PRP4K: variants seen among roughly 807,000 people sequenced by gnomAD.
The protein encoded by PRP4K is pre-mRNA processing factor kinase PRP4K, also known as serine/threonine-protein kinase PRP4 homolog.
the PRP4K span, among the ~76,000 whole-genome samples, chr6:4,036,842 A>T: frequency 6.6e-6 from 1 of 151,870 alleles, no homozygotes; most frequent in African/African-American, 2.4e-5. Flanking sequence ...AATATTAGTC[A>T]GGTGTGGTGG....
the PRP4K span, chr6:4,049,926 C>G: frequency 3.2e-6 from 5 of 1,556,416 alleles, no homozygotes; most frequent in Non-Finnish European, 4.4e-6. Flanking sequence ...CGGATACTTA[C>G]AGAAGAACAT....
chr6:4,029,549 C>T, the PRP4K span, among the ~76,000 whole-genome samples: 3 of 151,920 alleles, frequency 2.0e-5, no homozygotes, highest in Non-Finnish European at 4.4e-5. Context: ...GATGAGGTCT[C>T]ACTCTGTTGC....
At chr6:4,049,420 G>A in the PRP4K span, 6 of 450,546 alleles carry the variant, frequency 1.3e-5, no homozygotes, top group African/African-American at 4.0e-5. Flanking sequence ...CAAGAAAAAC[G>A]ACAAACAGGA....
the PRP4K span, chr6:4,051,960 A>G: frequency 1.4e-5 from 22 of 1,550,052 alleles, no homozygotes; most frequent in Non-Finnish European, 1.8e-5. Flanking sequence ...ATTTTAGGCA[A>G]AAGACTGGTT....
the PRP4K span, among the ~76,000 whole-genome samples, chr6:4,038,919 C>CT: frequency 8.5e-4 from 123 of 144,248 alleles, 1 homozygote; most frequent in African/African-American, 1.7e-3. Flanking sequence ...AATTTTTGTG[C>CT]TTTTTTTTTT....
At chr6:4,060,500 C>T in the PRP4K span, 1 of 1,613,850 alleles carries the variant, frequency 6.2e-7, no homozygotes, top group South Asian at 1.1e-5. This position sits in a 1 kb window ranked among gnomAD's most constrained non-coding sequence, Gnocchi z 4.7. Flanking sequence ...TGAAGACCAA[C>T]GTAAGAAAGT....
At chr6:4,040,483 G>T in the PRP4K span, among the ~76,000 whole-genome samples, 1 of 152,134 alleles carries the variant, frequency 6.6e-6, no homozygotes, top group Non-Finnish European at 1.5e-5. Flanking sequence ...TCAAGTTCAA[G>T]TTCATATCCA....
chr6:4,060,796 T>A, the PRP4K span: 1 of 661,626 alleles, frequency 1.5e-6, no homozygotes, highest in East Asian at 2.8e-5. This position sits in a 1 kb window ranked among gnomAD's most constrained non-coding sequence, Gnocchi z 4.7. Context: ...CTGTTTTGTG[T>A]CTTACGTGAA....
the PRP4K span, among the ~76,000 whole-genome samples, chr6:4,031,074 C>T: frequency 3.3e-5 from 5 of 152,080 alleles, no homozygotes; most frequent in African/African-American, 1.2e-4. Context: ...TGTAGAGACA[C>T]CAAGTTTCAT....
At chr6:4,047,075 G>A in the PRP4K span, 12,282 of 952,992 alleles carry the variant, frequency 0.013, 998 homozygotes, top group African/African-American at 0.18. Context: ...GTGCAAGAGG[G>A]CAAAAAAGTT....
chr6:4,038,424 G>C, the PRP4K span, among the ~76,000 whole-genome samples: 5 of 151,548 alleles, frequency 3.3e-5, 1 homozygote, highest in Middle Eastern at 0.017. Flanking sequence ...GCTGGGACTA[G>C]AGGTGCCCAT....
chr6:4,030,865 G>T, the PRP4K span, among the ~76,000 whole-genome samples: 4 of 152,086 alleles, frequency 2.6e-5, no homozygotes. Context: ...CCTAACTTCC[G>T]GTTTAGTTCA....
At chr6:4,056,763 C>T in the PRP4K span, 5 of 1,442,902 alleles carry the variant, frequency 3.5e-6, no homozygotes, top group Admixed American at 7.7e-5. Flanking sequence ...TGATTAGCAC[C>T]TCCACCAAAG....
At chr6:4,026,061 G>A in the PRP4K span, among the ~76,000 whole-genome samples, 23 of 152,336 alleles carry the variant, frequency 1.5e-4, no homozygotes, top group Admixed American at 3.3e-4. Context: ...GAGTGCAATG[G>A]TGTGATCTCA....
At chr6:4,056,348 C>T in the PRP4K span, 1 of 1,613,392 alleles carries the variant, frequency 6.2e-7, no homozygotes, top group African/African-American at 1.3e-5. Flanking sequence ...TATTTTAAAG[C>T]TTTGCGATTT....
At chr6:4,049,918 G>A in the PRP4K span, 1 of 1,584,960 alleles carries the variant, frequency 6.3e-7, no homozygotes, top group Non-Finnish European at 8.6e-7. Context: ...TAACAGTACG[G>A]ATACTTACAG....
At chr6:4,029,617 T>C in the PRP4K span, among the ~76,000 whole-genome samples, 2 of 152,172 alleles carry the variant, frequency 1.3e-5, no homozygotes, top group East Asian at 1.9e-4. Context: ...CCTTCCATGG[T>C]GCTGGGATTA....
At chr6:4,032,292 A>G in the PRP4K span, 2 of 1,613,300 alleles carry the variant, frequency 1.2e-6, no homozygotes, top group East Asian at 2.2e-5. Flanking sequence ...CAGATCTCCT[A>G]CTGATGATAA....
the PRP4K span, among the ~76,000 whole-genome samples, chr6:4,059,670 G>A: frequency 4.6e-5 from 7 of 151,202 alleles, no homozygotes; most frequent in African/African-American, 1.7e-4. Context: ...ACTGAGTCTC[G>A]CTCTGTCACC....
Sources: gnomAD v4.1 joint callset for allele counts (sites outside exome capture counted in the v4.1 genomes callset) on GRCh38, gnomAD v4.1.1 for gene constraint, Gnocchi (gnomAD v3.1) non-coding constraint, MANE v1.5 for transcripts, NCBI Gene and HGNC (gene_info 2026-07-23, HGNC 2026-07-21) for gene names.